CPQ: variants seen among roughly 807,000 people sequenced by gnomAD.
CPQ encodes carboxypeptidase Q, also known as Ser-Met dipeptidase.
In CPQ, 37 loss-of-function variants were observed where a neutral mutation model predicts 45.7. That is an observed-to-expected ratio of 0.81 (90% CI 0.62 to 1.07). The LOEUF (loss-of-function observed/expected upper bound fraction) is 1.07. Ranked by LOEUF, CPQ falls within the 50% of genes least tolerant of loss-of-function variation. The probability of loss-of-function intolerance (pLI) is 0.00; values close to 1 mark genes in which losing one functional copy is unlikely to be tolerated. For missense variants in CPQ, 537 were observed against 572.9 expected (o/e 0.94, Z 0.64); for synonymous variants, 186 against 205.8 (o/e 0.90, Z 0.82).
chr8:96,890,895 G>T (rs1233035394), intron 4 of CPQ, among the ~76,000 whole-genome samples: 2 of 152,170 alleles, frequency 1.3e-5, no homozygotes, highest in African/African-American at 4.8e-5. Flanking sequence ...TTTTGGACCT[G>T]TGAATCCTGG....
chr8:96,898,572 C>T (rs868832068), intron 4 of CPQ, among the ~76,000 whole-genome samples: 1 of 136,346 alleles, frequency 7.3e-6, no homozygotes, highest in Admixed American at 8.7e-5. Context: ...TTAAAACCCA[C>T]GTTAGAGATC....
At chr8:97,007,852 G>A (rs1243799424) in intron 5 of CPQ, among the ~76,000 whole-genome samples, 1 of 152,158 alleles carries the variant, frequency 6.6e-6, no homozygotes, top group Non-Finnish European at 1.5e-5. Context: ...AGAACACTGG[G>A]ATAAATCTTA....
At chr8:97,006,436 C>T (rs778065448) in intron 5 of CPQ, among the ~76,000 whole-genome samples, 63 of 151,970 alleles carry the variant, frequency 4.1e-4, no homozygotes, top group Non-Finnish European at 7.2e-4. Context: ...TATAGTCAGT[C>T]GACAGGACAG....
intron 1 of CPQ, among the ~76,000 whole-genome samples, chr8:96,692,795 A>T (rs1809321727): frequency 6.6e-6 from 1 of 152,202 alleles, no homozygotes; most frequent in African/African-American, 2.4e-5. Flanking sequence ...GAGACCAATG[A>T]ACATTCACAA....
intron 2 of CPQ, among the ~76,000 whole-genome samples, chr8:96,789,170 T>G (rs116472597): frequency 0.021 from 3,161 of 152,166 alleles, 121 homozygotes; most frequent in African/African-American, 0.072. Context: ...GCCTACTTCT[T>G]TTTTTTCATG....
Position 96,772,019 on chromosome 8 carries a change from C to T in CPQ, c.-34-12845C>T, listed in dbSNP as rs181227250. 2.9e-4 allele frequency among the ~76,000 whole-genome samples: 44 copies of T among 151,976 alleles called. 1 individual carries two copies. The East Asian group carries it at 8.1e-3, about 28-fold the overall frequency. On this transcript the variant is annotated intron_variant, in intron 1 of 7. Transcript: ENST00000220763. ...GGAGGAAAATGCAGTAGAGTGTTAT[C>T]AGAGGTATAAGTAGAGGTATGAGTA...
intron 4 of CPQ, among the ~76,000 whole-genome samples, chr8:96,941,294 G>T (rs1354132502): frequency 6.6e-6 from 1 of 152,132 alleles, no homozygotes; most frequent in Admixed American, 6.6e-5. Context: ...CTGAACTTGT[G>T]CTGGCCTTGC....
chr8:97,045,844 G>T (rs1182631304), intron 6 of CPQ, among the ~76,000 whole-genome samples: 1 of 152,226 alleles, frequency 6.6e-6, no homozygotes, highest in Non-Finnish European at 1.5e-5. Flanking sequence ...ACGAGCAGAA[G>T]TACTGGCAGG....
At chr8:97,031,867 C>A (rs1319929139) in intron 6 of CPQ, among the ~76,000 whole-genome samples, 1 of 152,174 alleles carries the variant, frequency 6.6e-6, no homozygotes, top group Non-Finnish European at 1.5e-5. Flanking sequence ...TAACTCTTTA[C>A]CTCGCCTTTA....
intron 4 of CPQ, among the ~76,000 whole-genome samples, chr8:96,886,041 TA>T (rs1314318524): frequency 1.3e-5 from 2 of 152,004 alleles, no homozygotes; most frequent in African/African-American, 4.8e-5. Context: ...AATAGCAGAA[TA>T]GGGGTAATAT....
chr8:97,009,730 C>G (rs993747947), intron 5 of CPQ, among the ~76,000 whole-genome samples: 5 of 152,102 alleles, frequency 3.3e-5, no homozygotes, highest in Non-Finnish European at 7.4e-5. Context: ...TGTATTCTGT[C>G]AGACAGTCTA....
intron 2 of CPQ, among the ~76,000 whole-genome samples, chr8:96,803,175 A>G (rs1041168960): frequency 6.6e-6 from 1 of 152,218 alleles, no homozygotes; most frequent in Non-Finnish European, 1.5e-5. Context: ...AAAAATGCTG[A>G]GGGCAGGACA....
chr8:96,854,551 A>AC (rs1388943501), intron 3 of CPQ, among the ~76,000 whole-genome samples: 4 of 127,326 alleles, frequency 3.1e-5, no homozygotes, highest in South Asian at 2.5e-4. Flanking sequence ...AAAAAAAAAA[A>AC]AAAAAAAATG....
chr8:97,142,481 G>T (rs1038608034), intron 7 of CPQ, among the ~76,000 whole-genome samples: 1 of 152,154 alleles, frequency 6.6e-6, no homozygotes, highest in Non-Finnish European at 1.5e-5. Context: ...GAACAAAGGG[G>T]TATTGGCTTT....
At chr8:96,947,730 A>G (rs1813209881) in intron 4 of CPQ, among the ~76,000 whole-genome samples, 1 of 152,148 alleles carries the variant, frequency 6.6e-6, no homozygotes, top group Non-Finnish European at 1.5e-5. Flanking sequence ...TAATCTCAAG[A>G]TGTAACCTTG....
At chr8:96,695,167 C>A (rs2130740457) in intron 1 of CPQ, among the ~76,000 whole-genome samples, 1 of 149,796 alleles carries the variant, frequency 6.7e-6, no homozygotes, top group Middle Eastern at 3.4e-3. Context: ...TTTGACAAAC[C>A]TGAGAAAAAC....
intron 4 of CPQ, among the ~76,000 whole-genome samples, chr8:96,935,283 C>T (rs1010803283): frequency 6.6e-6 from 1 of 152,204 alleles, no homozygotes; most frequent in African/African-American, 2.4e-5. Context: ...ACCATCTTGG[C>T]ATCCCAAGAA....
At chr8:96,976,893 A>T (rs1368011412) in intron 5 of CPQ, among the ~76,000 whole-genome samples, 1 of 152,208 alleles carries the variant, frequency 6.6e-6, no homozygotes, top group Non-Finnish European at 1.5e-5. Flanking sequence ...AACCACACAG[A>T]TTCTAGAAGA....
chr8:96,862,221 T>TTCTA (rs1811935036), intron 3 of CPQ, among the ~76,000 whole-genome samples: 1 of 151,832 alleles, frequency 6.6e-6, no homozygotes, highest in African/African-American at 2.4e-5. Flanking sequence ...CTAGGTTGCT[T>TTCTA]AACCTTTCTA....
Sources: allele counts gnomAD v4.1 joint callset (sites outside exome capture counted in the v4.1 genomes callset), GRCh38; gene constraint gnomAD v4.1.1; transcripts MANE v1.5; gene names NCBI Gene and HGNC (gene_info 2026-07-23, HGNC 2026-07-21).